Variants in STIM1 observed in about 807,000 individuals in gnomAD.
STIM1 encodes the protein stromal interaction molecule 1.
Under a neutral mutation model 74.7 loss-of-function variants are expected in STIM1, and 25 were observed. The observed-to-expected ratio is 0.33, with a 90% CI of 0.24 to 0.47. The LOEUF is 0.47. Among genes scored for constraint, STIM1 ranks in the 20% least tolerant of loss-of-function variants. The pLI is 1.00. For missense variants in STIM1, 728 were observed against 920.8 expected, an observed-to-expected ratio of 0.79 and a Z score of 2.71; for synonymous variants, 328 against 348.8, an observed-to-expected ratio of 0.94 and a Z score of 0.66.
intron 3 of STIM1, among the ~76,000 whole-genome samples, chr11:4,037,821 TATAAG>T (rs1271141744): frequency 2.0e-5 from 3 of 152,182 alleles, no homozygotes; most frequent in Non-Finnish European, 4.4e-5. Context: ...TGATTATTAA[TATAAG>T]ATAATTTAGG....
At chr11:4,060,655 T>C (rs2133111651) in intron 5 of STIM1, among the ~76,000 whole-genome samples, 1 of 152,346 alleles carries the variant, frequency 6.6e-6, no homozygotes, top group Admixed American at 6.5e-5. Flanking sequence ...TATTGAGCAA[T>C]GGCCTTCCAG....
intron 1 of STIM1, among the ~76,000 whole-genome samples, chr11:3,906,949 A>G (rs1194852638): frequency 6.6e-6 from 1 of 152,178 alleles, no homozygotes; most frequent in Non-Finnish European, 1.5e-5. Context: ...TCAAACCTAA[A>G]TCCAACTCTA....
At chr11:3,939,074 C>A (rs2092972708) in intron 1 of STIM1, among the ~76,000 whole-genome samples, 1 of 152,186 alleles carries the variant, frequency 6.6e-6, no homozygotes, top group Non-Finnish European at 1.5e-5. Context: ...TGACATATAA[C>A]TGAGCCCTAT....
intron 2 of STIM1, among the ~76,000 whole-genome samples, chr11:4,006,067 G>A (rs959475359): frequency 1.3e-5 from 2 of 152,174 alleles, no homozygotes; most frequent in Non-Finnish European, 2.9e-5. Flanking sequence ...GTGTTGAATT[G>A]TAATCCCCAG....
At chr11:3,884,183 A>G (rs988978564) in intron 1 of STIM1, among the ~76,000 whole-genome samples, 4 of 152,128 alleles carry the variant, frequency 2.6e-5, no homozygotes, top group African/African-American at 7.2e-5. Context: ...TTCTTCTTCT[A>G]TCTCTGTGCT....
At chr11:3,886,456 A>G (rs906620239) in intron 1 of STIM1, among the ~76,000 whole-genome samples, 15 of 152,130 alleles carry the variant, frequency 9.9e-5, no homozygotes, top group Non-Finnish European at 1.8e-4. Context: ...TGGGAGGCCA[A>G]GGCAGGCAGA....
intron 1 of STIM1, among the ~76,000 whole-genome samples, chr11:3,882,854 A>G (rs1390454125): frequency 6.6e-6 from 1 of 152,198 alleles, no homozygotes; most frequent in Non-Finnish European, 1.5e-5. Context: ...GATATGAAAT[A>G]GTGCCTCACT....
chr11:4,030,155 C>CCA (rs2094036606), intron 3 of STIM1, among the ~76,000 whole-genome samples: 1 of 151,862 alleles, frequency 6.6e-6, no homozygotes, highest in African/African-American at 2.4e-5. Context: ...ATGGTGAAAC[C>CCA]CTGTCTCTAT....
chr11:3,873,514 A>G (rs952571001), intron 1 of STIM1, among the ~76,000 whole-genome samples: 1 of 150,944 alleles, frequency 6.6e-6, no homozygotes, highest in Non-Finnish European at 1.5e-5. Flanking sequence ...CGATCCTCGC[A>G]CCTCGGCCTC....
chr11:3,887,345 C>A (rs1243738535), intron 1 of STIM1, among the ~76,000 whole-genome samples: 1 of 152,084 alleles, frequency 6.6e-6, no homozygotes, highest in East Asian at 1.9e-4. Context: ...TTGCACTGGG[C>A]AAAACTGGAA....
chr11:4,053,980 C>T (rs2094266921), intron 3 of STIM1, among the ~76,000 whole-genome samples: 1 of 152,188 alleles, frequency 6.6e-6, no homozygotes, highest in Non-Finnish European at 1.5e-5. Context: ...ATAGTTTATG[C>T]TGTCCAATAT....
chr11:4,015,459 C>G (rs2093886786), intron 2 of STIM1, among the ~76,000 whole-genome samples: 1 of 152,216 alleles, frequency 6.6e-6, no homozygotes, highest in Admixed American at 6.5e-5. Flanking sequence ...CGACCTCTCT[C>G]TCTGGCTGCC....
intron 5 of STIM1, among the ~76,000 whole-genome samples, chr11:4,067,620 C>T (rs2133148896): frequency 6.6e-6 from 1 of 152,338 alleles, no homozygotes; most frequent in East Asian, 1.9e-4. Flanking sequence ...TGGATTTAAA[C>T]CCAGCTCTAG....
At position 3,935,080 on chromosome 11, in the gene STIM1, C is replaced by T. The variant is rs2092916529; in HGVS notation, c.140-32472C>T. ...CTGCAGTTGCAGCAATGAGACACTC[C>T]CCTCATTGCATTCTGCATCTAAGAC... is the stretch of plus-strand genomic sequence containing the variant. On this transcript the variant is annotated intron_variant, in intron 1 of 12. Transcript: ENST00000526596. Among the ~76,000 whole-genome samples, 2 of 152,214 alleles carry T rather than the reference C, an allele frequency of 1.3e-5. 1 individual carries two copies. Among genetic ancestry groups the T allele is most frequent in the South Asian group, 4.1e-4 (2 of 4,824 alleles).
intron 1 of STIM1, among the ~76,000 whole-genome samples, chr11:3,931,342 T>G (rs2092857218): frequency 6.6e-6 from 1 of 152,190 alleles, no homozygotes; most frequent in African/African-American, 2.4e-5. Context: ...GGTTATATCA[T>G]GCAGTGTGCT....
rs148121865 is a variant in STIM1, at chr11:3,875,961, A to G, written c.139+19552A>G. ...CAACATTCCTTTTGGTTTCTGTGCT[A>G]TGGAGAATAGATATGAAATGTTCTT... On this transcript the variant is annotated intron_variant, in intron 1 of 12. Coordinates refer to ENST00000526596, the MANE Select transcript of STIM1 (RefSeq NM_001382567.1). Among the ~76,000 whole-genome samples the G allele has an allele frequency of 8.0e-3, 1,219 of 152,292 alleles. 18 individuals carry two copies. The highest frequency in any genetic ancestry group is 0.027 in the African/African-American group (1,120 of 41,568).
At chr11:3,895,859 C>G (rs1020038863) in intron 1 of STIM1, among the ~76,000 whole-genome samples, 1 of 107,358 alleles carries the variant, frequency 9.3e-6, no homozygotes, top group Non-Finnish European at 1.9e-5. Flanking sequence ...TTCTTTCTCT[C>G]TCTCTCTCTT....
At chr11:3,855,617 A>C (rs2090333292), upstream of STIM1, 2 of 78,700 alleles carry the variant, frequency 2.5e-5, no homozygotes, top group South Asian at 4.7e-4. Context: ...GCGGAGACGC[A>C]CGCCCCCGCC....
intron 1 of STIM1, among the ~76,000 whole-genome samples, chr11:3,934,549 G>A (rs1249123001): frequency 6.6e-6 from 1 of 152,162 alleles, no homozygotes; most frequent in Non-Finnish European, 1.5e-5. Context: ...AAGAGGCTGA[G>A]TTAGTTTCAC....
Sources: allele counts gnomAD v4.1 joint callset (sites outside exome capture counted in the v4.1 genomes callset), GRCh38; gene constraint gnomAD v4.1.1; transcripts MANE v1.5; gene names NCBI Gene and HGNC (gene_info 2026-07-23, HGNC 2026-07-21).